Variants in SLC71A1 observed in about 807,000 individuals in gnomAD.
SLC71A1 encodes the protein hippocampus abundant gene transcript 1.
chr1:100,068,017 C>T, the SLC71A1 span: 5 of 1,614,182 alleles, frequency 3.1e-6, no homozygotes, highest in Non-Finnish European at 4.2e-6. Flanking sequence ...ACCAGTCCTG[C>T]AATTGGAGCT....
At chr1:100,056,601 A>G in the SLC71A1 span, among the ~76,000 whole-genome samples, 1 of 152,134 alleles carries the variant, frequency 6.6e-6, no homozygotes, top group Non-Finnish European at 1.5e-5. Flanking sequence ...CAAGAGCCCA[A>G]CTCCGTCTCA....
chr1:100,052,399 A>G, the SLC71A1 span, among the ~76,000 whole-genome samples: 23 of 148,142 alleles, frequency 1.6e-4, no homozygotes, highest in Non-Finnish European at 2.8e-4. Context: ...TTCATTTTTC[A>G]TAGACTAATG....
chr1:100,057,357 C>CTTTT, the SLC71A1 span, among the ~76,000 whole-genome samples: 2 of 122,564 alleles, frequency 1.6e-5, no homozygotes, highest in Admixed American at 8.1e-5. Context: ...CTTTTTCTTT[C>CTTTT]TTTTTTTTTT....
At chr1:100,042,311 A>C in the SLC71A1 span, among the ~76,000 whole-genome samples, 4 of 152,230 alleles carry the variant, frequency 2.6e-5, no homozygotes, top group African/African-American at 9.6e-5. Flanking sequence ...GAAGTACCTG[A>C]AAAAAGTAAA....
the SLC71A1 span, among the ~76,000 whole-genome samples, chr1:100,038,785 A>G: frequency 6.6e-6 from 1 of 152,146 alleles, no homozygotes. Context: ...TGGCGCGGGG[A>G]TCCCGCTGCG....
chr1:100,049,949 T>C, the SLC71A1 span: 1 of 1,611,212 alleles, frequency 6.2e-7, no homozygotes, highest in Non-Finnish European at 8.5e-7. Flanking sequence ...CATGCAGTTA[T>C]CGTCATCTTT....
the SLC71A1 span, among the ~76,000 whole-genome samples, chr1:100,075,973 T>A: frequency 1.3e-5 from 2 of 152,146 alleles, no homozygotes; most frequent in African/African-American, 4.8e-5. Context: ...TCACTGTGCC[T>A]GGCCTAAATG....
chr1:100,065,907 C>CAAG, the SLC71A1 span, among the ~76,000 whole-genome samples: 1 of 151,884 alleles, frequency 6.6e-6, no homozygotes, highest in South Asian at 2.1e-4. Flanking sequence ...CTCTTGGGAT[C>CAAG]AAGTGATCTC....
chr1:100,065,935 G>A, the SLC71A1 span, among the ~76,000 whole-genome samples: 2 of 151,974 alleles, frequency 1.3e-5, no homozygotes, highest in South Asian at 4.2e-4. Flanking sequence ...AGCCTCCTGA[G>A]TAGCTGGGAC....
chr1:100,050,201 G>A, the SLC71A1 span, among the ~76,000 whole-genome samples: 4 of 152,064 alleles, frequency 2.6e-5, no homozygotes, highest in Non-Finnish European at 5.9e-5. Context: ...GTGGCGTGGA[G>A]GTGTTTGAAT....
At chr1:100,054,801 C>T in the SLC71A1 span, among the ~76,000 whole-genome samples, 1 of 152,134 alleles carries the variant, frequency 6.6e-6, no homozygotes, top group Non-Finnish European at 1.5e-5. Flanking sequence ...GCTAAAGGAT[C>T]CTGACATCAA....
chr1:100,071,656 A>G, the SLC71A1 span, among the ~76,000 whole-genome samples: 1 of 152,222 alleles, frequency 6.6e-6, no homozygotes, highest in Non-Finnish European at 1.5e-5. Context: ...TAATACTGTA[A>G]TGACACATAA....
At chr1:100,075,526 G>C in the SLC71A1 span, among the ~76,000 whole-genome samples, 1 of 152,098 alleles carries the variant, frequency 6.6e-6, no homozygotes, top group African/African-American at 2.4e-5. Flanking sequence ...AGAGCTTTGG[G>C]TATACTTACA....
the SLC71A1 span, among the ~76,000 whole-genome samples, chr1:100,056,410 A>G: frequency 6.6e-6 from 1 of 152,206 alleles, no homozygotes; most frequent in Admixed American, 6.5e-5. Flanking sequence ...GTTGATGGAC[A>G]TTTAGGTTGC....
chr1:100,058,990 A>G, the SLC71A1 span, among the ~76,000 whole-genome samples: 2 of 151,914 alleles, frequency 1.3e-5, no homozygotes, highest in Admixed American at 6.6e-5. Flanking sequence ...CCCTGTTTTT[A>G]TGTTGGCATT....
chr1:100,075,679 C>T, the SLC71A1 span, among the ~76,000 whole-genome samples: 1 of 152,136 alleles, frequency 6.6e-6, no homozygotes, highest in South Asian at 2.1e-4. Flanking sequence ...CCACCAGTTC[C>T]CACCCACAAG....
At chr1:100,065,550 T>C in the SLC71A1 span, among the ~76,000 whole-genome samples, 21 of 141,330 alleles carry the variant, frequency 1.5e-4, no homozygotes, top group African/African-American at 5.5e-4. Context: ...CGCTTTCACC[T>C]TTCTCCTTTC....
the SLC71A1 span, among the ~76,000 whole-genome samples, chr1:100,064,436 G>C: frequency 9.9e-4 from 151 of 152,140 alleles, 2 homozygotes; most frequent in Non-Finnish European, 1.8e-3. Flanking sequence ...GCCCCCATGT[G>C]AATATATTAA....
chr1:100,078,388 A>C, the SLC71A1 span: 28 of 1,019,274 alleles, frequency 2.7e-5, no homozygotes, highest in Non-Finnish European at 4.2e-5. Flanking sequence ...TTAATTATGT[A>C]GTTTGACTTT....
Sources: allele counts gnomAD v4.1 joint callset (sites outside exome capture counted in the v4.1 genomes callset), GRCh38; gene constraint gnomAD v4.1.1; transcripts MANE v1.5; gene names NCBI Gene and HGNC (gene_info 2026-07-23, HGNC 2026-07-21).